Variants in SLC28A1 observed in about 807,000 individuals in gnomAD.
SLC28A1 encodes the protein sodium/nucleoside cotransporter 1.
In SLC28A1, 64 loss-of-function variants were observed where a neutral mutation model predicts 74.8. That is an observed-to-expected ratio of 0.86 (90% CI 0.70 to 1.05). The LOEUF is 1.05. Among genes scored for constraint, SLC28A1 ranks in the 50% least tolerant of loss-of-function variants. The pLI is 0.00. For synonymous variants in SLC28A1, 359 were observed against 335.0 expected, an observed-to-expected ratio of 1.07 and a Z score of -0.78; for missense variants, 828 against 822.8, an observed-to-expected ratio of 1.01 and a Z score of -0.08.
At chr15:84,958,224 G>A in the SLC28A1 span, among the ~76,000 whole-genome samples, 1 of 152,108 alleles carries the variant, frequency 6.6e-6, no homozygotes, top group Non-Finnish European at 1.5e-5. Flanking sequence ...TCCTATATCT[G>A]ATTCCCTCTT....
chr15:84,944,076 G>A (rs1229441382), intron 16 of SLC28A1, among the ~76,000 whole-genome samples: 1 of 152,212 alleles, frequency 6.6e-6, no homozygotes, highest in Non-Finnish European at 1.5e-5. Flanking sequence ...GCTTTGGCCT[G>A]CCTGTTCCCA....
the SLC28A1 span, among the ~76,000 whole-genome samples, chr15:84,951,948 A>G: frequency 6.6e-6 from 1 of 152,228 alleles, no homozygotes; most frequent in Non-Finnish European, 1.5e-5. Context: ...AAGGCGAGGC[A>G]AGGGAGGCTC....
At chr15:84,974,115 C>T in the SLC28A1 span, among the ~76,000 whole-genome samples, 1 of 152,282 alleles carries the variant, frequency 6.6e-6, no homozygotes, top group East Asian at 1.9e-4. Flanking sequence ...GGATTAAGAA[C>T]TTTAAAAAGA....
chr15:84,944,896 G>A (rs1278789473), intron 18 of SLC28A1, 29 bp downstream of exon 18: 1 of 1,479,020 alleles, frequency 6.8e-7, no homozygotes, highest in Admixed American at 1.7e-5. Context: ...GGACCTGCAG[G>A]GCACCCACAG....
chr15:84,908,996 T>C (rs1967737785), intron 9 of SLC28A1, among the ~76,000 whole-genome samples: 1 of 151,008 alleles, frequency 6.6e-6, no homozygotes, highest in Non-Finnish European at 1.5e-5. Context: ...ATGTTTTTGC[T>C]ATATTTTGTA....
intron 9 of SLC28A1, among the ~76,000 whole-genome samples, chr15:84,910,840 TAAG>T (rs1189275943): frequency 1.3e-5 from 2 of 152,152 alleles, no homozygotes; most frequent in African/African-American, 4.8e-5. Context: ...GGAGTGCGTA[TAAG>T]GAGAGATTCT....
intron 9 of SLC28A1, among the ~76,000 whole-genome samples, chr15:84,910,271 C>T (rs1967947023): frequency 6.6e-6 from 1 of 152,200 alleles, no homozygotes; most frequent in East Asian, 1.9e-4. Flanking sequence ...CGCAAAGGCC[C>T]CTAATACCAT....
At chr15:84,908,591 C>CCA in intron 8 of SLC28A1, 127 bp from the exon 9 acceptor site, 1 of 763,966 alleles carries the variant, frequency 1.3e-6, no homozygotes, top group Non-Finnish European at 2.3e-6. Flanking sequence ...GGTGGTGCCC[C>CCA]CCCCCGGATA....
chr15:84,910,886 G>A lies in SLC28A1; in HGVS notation c.795+2091G>A, dbSNP rs200751414. ...AGAGACCGTGAGGGAGACTCCTTGA[G>A]GAGGCAGCATTTGACATGGAGTTTA... On this transcript the variant is annotated intron_variant, in intron 9 of 18. Coordinates refer to ENST00000394573, the MANE Select transcript of SLC28A1 (RefSeq NM_004213.5). 2.7e-4 allele frequency among the ~76,000 whole-genome samples: 41 copies of A among 152,322 alleles called. 1 individual carries two copies. In the East Asian group the frequency reaches 7.7e-3, roughly 29 times the overall value.
chr15:84,933,710 C>G (rs900727088), intron 13 of SLC28A1, among the ~76,000 whole-genome samples: 2 of 152,200 alleles, frequency 1.3e-5, no homozygotes, highest in Admixed American at 6.5e-5. Context: ...TGCGATGGTT[C>G]ATGCCTGTAA....
the SLC28A1 span, among the ~76,000 whole-genome samples, chr15:84,951,729 C>T: frequency 6.6e-6 from 1 of 152,092 alleles, no homozygotes; most frequent in African/African-American, 2.4e-5. Flanking sequence ...TAACATGGGG[C>T]TGGTACATTC....
the SLC28A1 span, among the ~76,000 whole-genome samples, chr15:84,971,657 C>T: frequency 1.0e-4 from 14 of 135,654 alleles, no homozygotes; most frequent in Non-Finnish European, 1.9e-4. Context: ...CCTTGTTCTT[C>T]TCTTTTCTTT....
intron 15 of SLC28A1, among the ~76,000 whole-genome samples, chr15:84,941,504 C>T (rs550266540): frequency 4.6e-5 from 7 of 151,904 alleles, no homozygotes; most frequent in Admixed American, 6.6e-5. Flanking sequence ...TGCACCCGGC[C>T]GGGATTTGTT....
downstream of SLC28A1, among the ~76,000 whole-genome samples, chr15:84,947,209 C>T (rs2079261856): frequency 6.6e-6 from 1 of 152,234 alleles, no homozygotes; most frequent in Admixed American, 6.5e-5. Context: ...GTAGCTCCAG[C>T]TAGGCTCTTG....
chr15:84,937,989 C>G (rs1972146452), intron 15 of SLC28A1, among the ~76,000 whole-genome samples: 2 of 152,134 alleles, frequency 1.3e-5, no homozygotes, highest in Admixed American at 1.3e-4. Flanking sequence ...CACCTGAGGT[C>G]AGGAGTTTGA....
intron 9 of SLC28A1, among the ~76,000 whole-genome samples, chr15:84,916,969 A>T (rs940690781): frequency 5.0e-5 from 7 of 139,874 alleles, no homozygotes; most frequent in African/African-American, 1.8e-4. Context: ...CGGAGGCTGT[A>T]GTGAGCCGAG....
At chr15:84,936,356 C>G (rs146658546) in intron 15 of SLC28A1, among the ~76,000 whole-genome samples, 2 of 152,008 alleles carry the variant, frequency 1.3e-5, no homozygotes, top group African/African-American at 4.8e-5. Flanking sequence ...CTCCCGGGTT[C>G]GAGTGATTCT....
At chr15:84,887,616 C>A in intron 2 of SLC28A1, 129 bp from the exon 3 acceptor site, 1 of 1,533,848 alleles carries the variant, frequency 6.5e-7, no homozygotes, top group Non-Finnish European at 8.8e-7. Flanking sequence ...AGGTGGCCCC[C>A]AGGCAGGGCT....
the SLC28A1 span, among the ~76,000 whole-genome samples, chr15:84,972,250 G>T: frequency 2.0e-5 from 3 of 152,216 alleles, no homozygotes; most frequent in South Asian, 2.1e-4. Context: ...GGGATGGAAA[G>T]AAATGGATTG....
Sources: allele counts gnomAD v4.1 joint callset (sites outside exome capture counted in the v4.1 genomes callset), GRCh38; gene constraint gnomAD v4.1.1; transcripts MANE v1.5; gene names NCBI Gene and HGNC (gene_info 2026-07-23, HGNC 2026-07-21).